Variants in ATRNL1 observed in about 807,000 individuals in gnomAD.
ATRNL1 encodes the protein attractin like 1, also known as attractin-like protein 1.
In ATRNL1, 95 loss-of-function variants were observed where a neutral mutation model predicts 182.7. The ratio of observed to expected loss-of-function variants is 0.52; its 90% confidence interval spans 0.44 to 0.62. ATRNL1 has a LOEUF of 0.62. Among genes scored for constraint, ATRNL1 ranks in the 20% least tolerant of loss-of-function variants. ATRNL1 has a pLI of 0.00. For missense variants in ATRNL1, 1,471 were observed against 1,679.5 expected, an observed-to-expected ratio of 0.88 and a Z score of 2.17; for synonymous variants, 576 against 568.3, an observed-to-expected ratio of 1.01 and a Z score of -0.19.
intron 26 of ATRNL1, among the ~76,000 whole-genome samples, chr10:115,701,042 A>T (rs1395601061): frequency 6.6e-6 from 1 of 152,090 alleles, no homozygotes; most frequent in Non-Finnish European, 1.5e-5. Flanking sequence ...TCTAAGATCA[A>T]CCCCATGCTT....
chr10:115,447,604 A>G (rs1472977208), intron 21 of ATRNL1, among the ~76,000 whole-genome samples: 1 of 151,898 alleles, frequency 6.6e-6, no homozygotes, highest in Non-Finnish European at 1.5e-5. Context: ...ATGCTAATAT[A>G]TGCAGCCATA....
At chr10:115,322,788 C>G (rs1056632706) in intron 18 of ATRNL1, among the ~76,000 whole-genome samples, 3 of 151,968 alleles carry the variant, frequency 2.0e-5, no homozygotes, top group Admixed American at 1.3e-4. Context: ...TAGCATTGTT[C>G]TTTTGAGTAT....
chr10:115,324,487 C>T (rs1554932561), intron 18 of ATRNL1, among the ~76,000 whole-genome samples: 2 of 152,088 alleles, frequency 1.3e-5, no homozygotes, highest in African/African-American at 4.8e-5. Context: ...TTTACATCTG[C>T]TTTTACAATA....
chr10:115,865,821 A>T (rs1951428567), intron 28 of ATRNL1, among the ~76,000 whole-genome samples: 1 of 152,168 alleles, frequency 6.6e-6, no homozygotes, highest in South Asian at 2.1e-4. Flanking sequence ...GCTGCTGAAA[A>T]GGGGCAAATC....
chr10:115,860,939 C>G (rs1431339022), intron 28 of ATRNL1, among the ~76,000 whole-genome samples: 1 of 152,182 alleles, frequency 6.6e-6, no homozygotes, highest in East Asian at 1.9e-4. Context: ...CACTCCCAGT[C>G]CTTCCATCTG....
chr10:115,389,281 C>T (rs566521391), intron 19 of ATRNL1, among the ~76,000 whole-genome samples: 8 of 151,600 alleles, frequency 5.3e-5, no homozygotes, highest in African/African-American at 9.7e-5. Context: ...CCGCGGATGG[C>T]GGATCATGAG....
At chr10:115,106,582 G>T (rs1312184891) in intron 1 of ATRNL1, among the ~76,000 whole-genome samples, 2 of 152,200 alleles carry the variant, frequency 1.3e-5, no homozygotes, top group African/African-American at 4.8e-5. Flanking sequence ...GAATTACCCA[G>T]CGGGAGGTAA....
intron 26 of ATRNL1, among the ~76,000 whole-genome samples, chr10:115,558,514 G>A (rs1244692744): frequency 6.6e-6 from 1 of 152,236 alleles, no homozygotes; most frequent in African/African-American, 2.4e-5. Context: ...GGCGGAAGGG[G>A]GAGGGCTGTA....
intron 5 of ATRNL1, among the ~76,000 whole-genome samples, chr10:115,135,568 C>T (rs1055433652): frequency 6.6e-6 from 1 of 152,190 alleles, no homozygotes; most frequent in African/African-American, 2.4e-5. Flanking sequence ...ATTCCATACT[C>T]ATGGATAGGA....
At chr10:115,426,032 T>G (rs1554962805) in intron 20 of ATRNL1, among the ~76,000 whole-genome samples, 1 of 152,092 alleles carries the variant, frequency 6.6e-6, no homozygotes, top group Non-Finnish European at 1.5e-5. Context: ...TTCTTTTTCT[T>G]CACTATTTCA....
chr10:115,171,553 T>C (rs1051302928), intron 8 of ATRNL1, among the ~76,000 whole-genome samples: 2 of 152,058 alleles, frequency 1.3e-5, no homozygotes, highest in Non-Finnish European at 2.9e-5. Flanking sequence ...TAAAAAAATA[T>C]GTGAAATTCC....
chr10:115,334,044 C>A (rs12247960), intron 18 of ATRNL1, among the ~76,000 whole-genome samples: 1,974 of 152,148 alleles, frequency 0.013, 40 homozygotes, highest in African/African-American at 0.046. Flanking sequence ...TGTTCCAGTT[C>A]ATCTTTAACC....
intron 23 of ATRNL1, among the ~76,000 whole-genome samples, chr10:115,468,611 C>T (rs1282121685): frequency 6.6e-6 from 1 of 150,872 alleles, no homozygotes; most frequent in African/African-American, 2.4e-5. Flanking sequence ...GCATTTAGCT[C>T]ATGTTTTAAA....
At chr10:115,446,487 G>A (rs1846997181) in intron 21 of ATRNL1, among the ~76,000 whole-genome samples, 1 of 148,900 alleles carries the variant, frequency 6.7e-6, no homozygotes. Flanking sequence ...ATTTTCTCTT[G>A]ACATGTTCCC....
At chr10:115,690,689 C>T (rs1227304230) in intron 26 of ATRNL1, among the ~76,000 whole-genome samples, 1 of 152,166 alleles carries the variant, frequency 6.6e-6, no homozygotes, top group Admixed American at 6.5e-5. Flanking sequence ...GATATGGGGG[C>T]TATGATTCCC....
At chr10:115,792,939 C>T (rs1292526138) in intron 27 of ATRNL1, among the ~76,000 whole-genome samples, 1 of 151,856 alleles carries the variant, frequency 6.6e-6, no homozygotes, top group Non-Finnish European at 1.5e-5. Flanking sequence ...CAGACTGATC[C>T]AGTTCTTTGA....
At chr10:115,939,064 C>CTTGA (rs2134616418) in intron 28 of ATRNL1, among the ~76,000 whole-genome samples, 1 of 152,300 alleles carries the variant, frequency 6.6e-6, no homozygotes, top group Non-Finnish European at 1.5e-5. Context: ...TGTTAATTAG[C>CTTGA]TTGATTGACT....
chr10:115,878,593 A>G (rs1951750549), intron 28 of ATRNL1, among the ~76,000 whole-genome samples: 1 of 152,186 alleles, frequency 6.6e-6, no homozygotes, highest in African/African-American at 2.4e-5. Context: ...TGTTTCTACA[A>G]GCAGTTTCCT....
intron 18 of ATRNL1, among the ~76,000 whole-genome samples, chr10:115,331,408 C>T (rs899466180): frequency 6.6e-6 from 1 of 152,104 alleles, no homozygotes; most frequent in Non-Finnish European, 1.5e-5. Context: ...TCCTGGATTA[C>T]TGTTTGATTT....
Sources: gnomAD v4.1 joint callset for allele counts (sites outside exome capture counted in the v4.1 genomes callset) on GRCh38, gnomAD v4.1.1 for gene constraint, MANE v1.5 for transcripts, NCBI Gene and HGNC (gene_info 2026-07-23, HGNC 2026-07-21) for gene names.